Variants in CASS4 observed in about 807,000 individuals in gnomAD.
CASS4 encodes the protein Cas scaffold protein family member 4, also known as cas scaffolding protein family member 4.
Under a neutral mutation model 54.2 loss-of-function variants are expected in CASS4, and 22 were observed. The ratio of observed to expected loss-of-function variants is 0.41; its 90% CI spans 0.29 to 0.58. The LOEUF is 0.58. Ranked by LOEUF, CASS4 falls within the 20% of genes least tolerant of loss-of-function variation. The pLI, the probability that CASS4 is intolerant of heterozygous loss-of-function variation, is 0.36. For synonymous variants in CASS4, 409 were observed against 391.5 expected (o/e 1.04, Z -0.53); for missense variants, 854 against 986.7 (o/e 0.87, Z 1.80).
intron 3 of CASS4, among the ~76,000 whole-genome samples, chr20:56,449,375 C>T (rs550938807): frequency 7.9e-5 from 12 of 151,994 alleles, no homozygotes; most frequent in Middle Eastern, 3.4e-3. Flanking sequence ...AACCAAACAA[C>T]GCATGTTCTC....
At chr20:56,432,045 A>G (rs531841723) in intron 1 of CASS4, among the ~76,000 whole-genome samples, 1 of 152,320 alleles carries the variant, frequency 6.6e-6, no homozygotes, top group South Asian at 2.1e-4. Context: ...GAATCAATGA[A>G]ATGTTAAAAC....
intron 2 of CASS4, among the ~76,000 whole-genome samples, chr20:56,445,001 T>G (rs933709224): frequency 6.6e-6 from 1 of 151,884 alleles, no homozygotes; most frequent in Non-Finnish European, 1.5e-5. Flanking sequence ...TCCCAGCTAC[T>G]CAGGAGGCTG....
chr20:56,427,011 C>T (rs981580310), intron 1 of CASS4, among the ~76,000 whole-genome samples: 1 of 151,998 alleles, frequency 6.6e-6, no homozygotes, highest in African/African-American at 2.4e-5. Flanking sequence ...CTGTAACTCC[C>T]TAAGCTAGGC....
intron 3 of CASS4, 67 bp from the exon 4 acceptor site, chr20:56,450,532 G>A: frequency 7.2e-7 from 1 of 1,391,270 alleles, no homozygotes. Context: ...GGAATAGGGA[G>A]TGTTCGTGAT....
intron 2 of CASS4, among the ~76,000 whole-genome samples, chr20:56,441,194 A>G (rs1980439798): frequency 6.6e-6 from 1 of 151,340 alleles, no homozygotes; most frequent in South Asian, 2.1e-4. Context: ...GGGTTTCGCC[A>G]TGTTGGCCAG....
At chr20:56,443,851 G>A (rs1250220110) in intron 2 of CASS4, among the ~76,000 whole-genome samples, 1 of 152,184 alleles carries the variant, frequency 6.6e-6, no homozygotes, top group Non-Finnish European at 1.5e-5. Flanking sequence ...AATCAAGGCT[G>A]CTTCTCTGTC....
chr20:56,423,448 T>C (rs1191729844), intron 1 of CASS4, among the ~76,000 whole-genome samples: 1 of 152,134 alleles, frequency 6.6e-6, no homozygotes, highest in Non-Finnish European at 1.5e-5. Flanking sequence ...TTGCATCAGG[T>C]TTTGAAACCA....
chr20:56,452,686 G>A lies in CASS4; in HGVS notation c.1510G>A (p.Ala504Thr), dbSNP rs1981091836. ...TTTTGCCCGAGGAGTCCATGGGACT[G>A]CCTGTAACCTCACTGACAGTAACCT... ...LDFARGVHGT[A>T]CNLTDSNLQN... Residue 504 changes from alanine to threonine, a missense_variant, in exon 5 of 6, where the codon GCC becomes ACC. Ala to Thr is a moderately conservative substitution (Grantham distance 58). Transcript: ENST00000679887. 6.2e-7 allele frequency: 1 copy of A among 1,614,074 alleles called. No homozygotes were observed. Among genetic ancestry groups the A allele is most frequent in the South Asian group, 1.1e-5 (1 of 91,094 alleles).
chr20:56,425,788 A>C (rs1176611237), intron 1 of CASS4, among the ~76,000 whole-genome samples: 1 of 152,192 alleles, frequency 6.6e-6, no homozygotes, highest in Non-Finnish European at 1.5e-5. Context: ...CATGGACTCA[A>C]AGTGTTTTTA....
intron 1 of CASS4, among the ~76,000 whole-genome samples, chr20:56,420,684 C>T (rs1322373131): frequency 1.3e-5 from 2 of 152,026 alleles, no homozygotes; most frequent in Non-Finnish European, 2.9e-5. Context: ...AGTGAGCCAC[C>T]ACACCCGGCC....
chr20:56,427,020 G>C (rs1451270588), intron 1 of CASS4, among the ~76,000 whole-genome samples: 1 of 152,084 alleles, frequency 6.6e-6, no homozygotes, highest in Non-Finnish European at 1.5e-5. Flanking sequence ...CCTAAGCTAG[G>C]CATGGTGATG....
chr20:56,452,013 C>T lies in CASS4; in HGVS notation c.837C>T (p.Phe279=). 1 of 1,614,202 alleles carries T rather than the reference C, an allele frequency of 6.2e-7. No individual in the cohort carries two copies. The highest frequency in any genetic ancestry group is 1.1e-5 in the South Asian group (1 of 91,080). The change falls in exon 5 of 6, where the codon TTC becomes TTT. Residue 279 remains phenylalanine (F), a synonymous_variant. Coordinates refer to ENST00000679887, the MANE Select transcript of CASS4 (RefSeq NM_020356.4). ...PHALPSSSST[F]YNPPSGRSRS... ...CTCTCCCCAGTTCCAGCTCCACTTT[C>T]TACAATCCTCCAAGTGGCAGATCCA...
chr20:56,436,992 A>G (rs558592442), intron 1 of CASS4, among the ~76,000 whole-genome samples, 172 bp from the exon 2 acceptor site: 1 of 152,314 alleles, frequency 6.6e-6, no homozygotes, highest in East Asian at 1.9e-4. Context: ...CTTAGACCCC[A>G]AGGATGTGAA....
At chr20:56,443,469 C>CAAAACAAAAAAAAAAAAA (rs1980555594) in intron 2 of CASS4, among the ~76,000 whole-genome samples, 1 of 115,228 alleles carries the variant, frequency 8.7e-6, no homozygotes, top group African/African-American at 3.6e-5. Flanking sequence ...ACTCCGTCTC[C>CAAAACAAAAAAAAAAAAA]AAAAAAAAAA....
chr20:56,448,120 A>C (rs1019869469), intron 3 of CASS4, among the ~76,000 whole-genome samples: 9 of 142,488 alleles, frequency 6.3e-5, no homozygotes, highest in African/African-American at 8.4e-5. Flanking sequence ...CCAGCCTGGG[A>C]GACAGAGTGA....
intron 5 of CASS4, among the ~76,000 whole-genome samples, chr20:56,457,845 T>C (rs1981371788): frequency 6.6e-6 from 1 of 151,986 alleles, no homozygotes; most frequent in South Asian, 2.1e-4. Context: ...TGAAACCCCA[T>C]TTCTGCTAAA....
chr20:56,422,917 T>C (rs924692835), intron 1 of CASS4, among the ~76,000 whole-genome samples: 8 of 152,246 alleles, frequency 5.3e-5, no homozygotes, highest in African/African-American at 1.9e-4. Flanking sequence ...TTGTCCCTGG[T>C]TTCTCTGGAT....
At chr20:56,438,795 T>G (rs1386774775) in intron 2 of CASS4, among the ~76,000 whole-genome samples, 1 of 152,156 alleles carries the variant, frequency 6.6e-6, no homozygotes, top group Non-Finnish European at 1.5e-5. Context: ...AGGGGAAGGT[T>G]GCAGTGAGCT....
chr20:56,437,373 A>AT lies in CASS4; in HGVS notation c.248dup (p.Leu84ProfsTer31), dbSNP rs1313226664. The AT allele has an allele frequency of 6.2e-7, 1 of 1,613,922 alleles. No homozygotes were observed. The highest frequency in any genetic ancestry group is 8.5e-7 in the Non-Finnish European group (1 of 1,179,970). On this transcript the variant is annotated frameshift_variant, in exon 2 of 6. Coordinates refer to ENST00000679887, the MANE Select transcript of CASS4 (RefSeq NM_020356.4). LOFTEE classifies it high-confidence loss of function. The surrounding 1 kb of genome is among the most constrained non-coding windows in gnomAD (Gnocchi z 4.7). ...TCGCTGCAGACAGGCCGTGCCCCCCATTCCTGAGAGGCCTGGAAGAAGCTC... is the reference window on the plus strand; with the variant it reads ...TCGCTGCAGACAGGCCGTGCCCCCCATTTCCTGAGAGGCCTGGAAGAAGCTC...
Sources: gnomAD v4.1 joint callset for allele counts (sites outside exome capture counted in the v4.1 genomes callset) on GRCh38, gnomAD v4.1.1 for gene constraint, Gnocchi (gnomAD v3.1) non-coding constraint, MANE v1.5 for transcripts, NCBI Gene and HGNC (gene_info 2026-07-23, HGNC 2026-07-21) for gene names.